The following CTSC variants were observed in gnomAD, a reference collection of about 807,000 sequenced individuals.
The protein encoded by CTSC is cathepsin C, also known as dipeptidyl peptidase 1.
A neutral mutation model predicts 40.9 loss-of-function variants in CTSC; 37 were observed. The ratio of observed to expected loss-of-function variants is 0.91; its 90% CI spans 0.70 to 1.19. CTSC has a LOEUF of 1.19. Among genes scored for constraint, CTSC ranks in the 50% most tolerant of loss-of-function variants. The probability of loss-of-function intolerance (pLI) is 0.00; values close to 1 mark genes in which losing one functional copy is unlikely to be tolerated. For missense variants in CTSC, 594 were observed against 567.3 expected, an observed-to-expected ratio of 1.05 and a Z score of -0.48; for synonymous variants, 232 against 207.4, an observed-to-expected ratio of 1.12 and a Z score of -1.02.
At chr11:88,333,648 ATACAT>A (rs1938418600) in intron 2 of CTSC, among the ~76,000 whole-genome samples, 1 of 152,246 alleles carries the variant, frequency 6.6e-6, no homozygotes, top group Non-Finnish European at 1.5e-5. Context: ...TATACCACAT[ATACAT>A]TACAATTTTA....
chr11:88,324,400 T>C (rs1476797342), intron 2 of CTSC: 2 of 983,932 alleles, frequency 2.0e-6, no homozygotes, highest in Non-Finnish European at 2.4e-6. Flanking sequence ...TATGCAATTC[T>C]TTTAAAACTC....
intron 6 of CTSC, among the ~76,000 whole-genome samples, chr11:88,294,939 C>T (rs927286060): frequency 6.6e-6 from 1 of 152,222 alleles, no homozygotes; most frequent in African/African-American, 2.4e-5. Flanking sequence ...CCAGACCCCA[C>T]AACTTGGCTC....
Position 88,312,517 on chromosome 11 carries a change from T to C in CTSC, c.356A>G (p.Asn119Ser), listed in dbSNP as rs576632189. 2 of 1,614,196 alleles carry C rather than the reference T, an allele frequency of 1.2e-6. No homozygotes were observed. Among genetic ancestry groups the C allele is most frequent in the South Asian group, 1.1e-5 (1 of 91,088 alleles). Residue 119 changes from asparagine (N) to serine (S), a missense_variant, in exon 3 of 7, where the codon AAC (asparagine) becomes AGC (serine). By Grantham distance (46) the Asn-to-Ser change is conservative. Transcript: ENST00000227266. ...ATGCACCCACCCAGTCATTGTCTCGTTGCAGTAAGTGGTCACCTTGCTGCC... is the reference window on the plus strand; with the variant it reads ...ATGCACCCACCCAGTCATTGTCTCGCTGCAGTAAGTGGTCACCTTGCTGCC... ...EEGSKVTTYCNETMTGWVHDV... is the reference protein window; with the variant it reads ...EEGSKVTTYCSETMTGWVHDV...
intron 2 of CTSC, among the ~76,000 whole-genome samples, chr11:88,320,405 G>A (rs958490812): frequency 1.6e-4 from 25 of 152,078 alleles, no homozygotes; most frequent in African/African-American, 5.6e-4. Context: ...AACTCAAACC[G>A]TAAAGTTGGA....
chr11:88,306,634 C>T (rs1937640125), intron 4 of CTSC, among the ~76,000 whole-genome samples: 1 of 152,194 alleles, frequency 6.6e-6, no homozygotes, highest in South Asian at 2.1e-4. Flanking sequence ...CCTTTCCCCT[C>T]CATCCTCCTT....
chr11:88,295,916 C>T (rs1024621172), intron 6 of CTSC, among the ~76,000 whole-genome samples: 4 of 152,156 alleles, frequency 2.6e-5, no homozygotes, highest in Admixed American at 1.3e-4. Flanking sequence ...AAGCAGAGCT[C>T]ACTCAATATA....
chr11:88,328,079 T>C (rs375445666), intron 2 of CTSC: 17 of 1,469,694 alleles, frequency 1.2e-5, no homozygotes, highest in Non-Finnish European at 1.5e-5. Flanking sequence ...TTGCTTTTAA[T>C]AAGAAAGTTA....
intron 4 of CTSC, among the ~76,000 whole-genome samples, chr11:88,302,955 A>T (rs569906131): frequency 1.3e-5 from 2 of 152,214 alleles, no homozygotes; most frequent in Non-Finnish European, 2.9e-5. Context: ...ATAATCAAGG[A>T]TCATAAAAAT....
In CTSC at chr11:88,337,710, G is replaced by T; in HGVS notation, c.-38C>A. 6.4e-7 allele frequency: 1 copy of T among 1,551,914 alleles called. No individual in the cohort carries two copies. Among genetic ancestry groups the T allele is most frequent in the South Asian group, 1.2e-5 (1 of 84,184 alleles). ...TGAGAAAAGAGGTGAAGAATTACCA[G>T]GAAGCCGAGCGCTGCGGGCTAGCGG... On this transcript the variant is annotated 5_prime_UTR_variant, in exon 1 of 7. It adds an upstream start codon to the 5' untranslated region. Transcript: ENST00000227266.
At position 88,301,424 on chromosome 11, in the gene CTSC, C is replaced by T. The variant is rs190753973; in HGVS notation, c.642-779G>A. ...ACCCCAGAAAATTCTGTAACCAGGG[C>T]CTTGAATCATTTACTTAGGCCCACT... On this transcript the variant is annotated intron_variant, in intron 4 of 6. Transcript: ENST00000227266. Among the ~76,000 whole-genome samples, 8 of 152,290 alleles carry T rather than the reference C, an allele frequency of 5.3e-5. No homozygotes were observed. The East Asian group carries it at 1.5e-3, about 29-fold the overall frequency.
chr11:88,297,380 G>A (rs1944310126), intron 5 of CTSC: 1 of 152,234 alleles, frequency 6.6e-6, no homozygotes, highest in Non-Finnish European at 1.5e-5. Flanking sequence ...TGAACTAGGA[G>A]TGAGGATACT....
chr11:88,318,241 C>T (rs987867090), intron 2 of CTSC, among the ~76,000 whole-genome samples: 3 of 152,212 alleles, frequency 2.0e-5, no homozygotes, highest in Admixed American at 2.0e-4. Flanking sequence ...AAAGTGGACT[C>T]CGCCCTTTAA....
At chr11:88,314,282 A>G (rs2134788640) in intron 2 of CTSC, among the ~76,000 whole-genome samples, 1 of 152,358 alleles carries the variant, frequency 6.6e-6, no homozygotes, top group Admixed American at 6.5e-5. Flanking sequence ...AGAGGTTTGT[A>G]GTTTGCCAAC....
chr11:88,317,736 A>T (rs1006166425), intron 2 of CTSC, among the ~76,000 whole-genome samples: 1 of 152,076 alleles, frequency 6.6e-6, no homozygotes, highest in South Asian at 2.1e-4. Flanking sequence ...CAGCCAAAAA[A>T]TTTTTCTGAG....
intron 2 of CTSC, among the ~76,000 whole-genome samples, chr11:88,334,216 C>T (rs1453683080): frequency 1.3e-5 from 2 of 152,128 alleles, no homozygotes; most frequent in African/African-American, 4.8e-5. Flanking sequence ...TTACTTGAAC[C>T]ATTTAATATT....
intron 4 of CTSC, among the ~76,000 whole-genome samples, chr11:88,302,600 C>A (rs1303950489): frequency 1.4e-4 from 19 of 134,536 alleles, no homozygotes; most frequent in Admixed American, 1.1e-3. Context: ...CACTCCAGCC[C>A]GGGTGACAGA....
rs540994848 is a variant in CTSC, at chr11:88,295,809, A to C, written c.889+324T>G. Among the ~76,000 whole-genome samples the C allele has an allele frequency of 6.6e-5, 10 of 152,312 alleles. No homozygotes were observed. In the South Asian group the frequency reaches 1.5e-3, roughly 22 times the overall value. On this transcript the variant is annotated intron_variant, in intron 6 of 6. Coordinates refer to ENST00000227266, the MANE Select transcript of CTSC (RefSeq NM_001814.6). ...CTAAAAGCTGTGAGACCTTCAAATTATTAGAAAAATTTCTTAGTTCCTGTT... is the reference window on the plus strand; with the variant it reads ...CTAAAAGCTGTGAGACCTTCAAATTCTTAGAAAAATTTCTTAGTTCCTGTT...
intron 2 of CTSC, chr11:88,326,405 G>T: frequency 6.2e-7 from 1 of 1,613,852 alleles, no homozygotes; most frequent in South Asian, 1.1e-5. Flanking sequence ...CATGGCTGTG[G>T]TTTTAAAAGA....
intron 6 of CTSC, 33 bp from the exon 7 acceptor site, chr11:88,294,541 A>G: frequency 1.2e-6 from 2 of 1,612,734 alleles, no homozygotes; most frequent in African/African-American, 1.3e-5. Context: ...GTTACCCCTT[A>G]GTAGAAAAAG....
Sources: allele counts gnomAD v4.1 joint callset (sites outside exome capture counted in the v4.1 genomes callset), GRCh38; gene constraint gnomAD v4.1.1; transcripts MANE v1.5; gene names NCBI Gene and HGNC (gene_info 2026-07-23, HGNC 2026-07-21).